The following BRD2 variants were observed in gnomAD, a reference collection of about 807,000 sequenced individuals.
BRD2 encodes the protein bromodomain-containing protein 2.
BRD2 carries 15 observed loss-of-function variants against 79.1 expected under a neutral mutation model. The ratio of observed to expected loss-of-function variants is 0.19; its 90% CI spans 0.13 to 0.29. BRD2 has a LOEUF of 0.29. Among genes scored for constraint, BRD2 ranks in the 10% least tolerant of loss-of-function variants. BRD2 has a pLI of 1.00. For missense variants in BRD2, 1,053 were observed against 991.3 expected, an observed-to-expected ratio of 1.06 and a Z score of -0.84; for synonymous variants, 488 against 358.6, an observed-to-expected ratio of 1.36 and a Z score of -4.08.
Position 32,975,569 on chromosome 6 carries a change from T to C in BRD2, c.471+48T>C, listed in dbSNP as rs768472794. On this transcript the variant is annotated intron_variant, in intron 4 of 12. Transcript: ENST00000374825. Reference sequence around the variant, plus strand: ...TTAGTAGGTGGGGAGAAACAGTAACTTCTATTATTGCTGGATATGTTGTCT... The same window carrying C: ...TTAGTAGGTGGGGAGAAACAGTAACCTCTATTATTGCTGGATATGTTGTCT... 6 of 1,590,556 alleles carry C rather than the reference T, an allele frequency of 3.8e-6. No individual in the cohort carries two copies. The South Asian group carries it at 5.6e-5, about 15-fold the overall frequency.
rs917636605 is a variant in BRD2 at position 32,969,233 on chromosome 6, G to T, written c.-1305+177G>T. ...GGGGGGCGAGCGGGAGAGGGCCATG[G>T]GGGGGGAGGGGAATGGCCAGCCTCA... On this transcript the variant is annotated intron_variant, in intron 1 of 12. Coordinates refer to ENST00000374825, the MANE Select transcript of BRD2 (RefSeq NM_005104.4). 12 of 615,772 alleles carry T rather than the reference G, an allele frequency of 1.9e-5. 1 individual carries two copies. Among genetic ancestry groups the T allele is most frequent in the Admixed American group, 1.9e-4 (8 of 41,534 alleles). 38.1% of individuals were successfully genotyped at this position (615,772 alleles called of 1,614,324 possible). A position where few individuals can be genotyped will look rare whatever the true frequency, so the allele number is the denominator to read the frequency against.
rs779236248 is a variant in BRD2, at chr6:32,976,401, G to T, written c.762G>T (p.Leu254Phe). ...SVISSPLLKS[L>F]HSAGPPLLAV... ...TTTCCTCTCCACTTCTCAAGTCCTT[G>T]CACTCTGCTGGACCCCCGCTCCTTG... Residue 254 changes from leucine (L) to phenylalanine (F), a missense_variant, in exon 6 of 13, where the codon TTG (leucine) becomes TTT (phenylalanine). By Grantham distance (22) the Leu-to-Phe change is conservative. This residue lies in a region of BRD2 where 413 missense variants were observed against 335.1 expected (regional missense o/e 1.23). Transcript: ENST00000374825. 6.8e-6 allele frequency: 11 copies of T among 1,612,632 alleles called. No individual in the cohort carries two copies. In the South Asian group the frequency reaches 1.2e-4, roughly 18 times the overall value.
intron 1 of BRD2, chr6:32,970,224 G>A (rs371561902): frequency 4.6e-5 from 7 of 152,492 alleles, no homozygotes; most frequent in African/African-American, 1.7e-4. Flanking sequence ...AGGGGAAAAG[G>A]CCTCTGCAAA....
At chr6:32,974,362 A>G in intron 2 of BRD2, 100 bp from the exon 3 acceptor site, 1 of 1,257,458 alleles carries the variant, frequency 8.0e-7, no homozygotes, top group South Asian at 1.4e-5. Context: ...AAGCTTAACC[A>G]CCTCACTAGG....
At chr6:32,977,225 C>T (rs1345497991) in intron 7 of BRD2, 9 of 1,527,008 alleles carry the variant, frequency 5.9e-6, no homozygotes, top group Non-Finnish European at 7.9e-6. Flanking sequence ...GCATAGGCCA[C>T]CTCTCTGTCA....
chr6:32,977,527 A>G lies in BRD2; in HGVS notation c.1286A>G (p.Asn429Ser). The G allele has an allele frequency of 3.7e-6, 6 of 1,614,094 alleles. No homozygotes were observed. Among genetic ancestry groups the G allele is most frequent in the East Asian group, 2.2e-5 (1 of 44,892 alleles). Reference protein sequence around the residue: ...RLMFSNCYKYNPPDHDVVAMA... With the variant: ...RLMFSNCYKYSPPDHDVVAMA... ...ATGTTCTCCAACTGCTATAAGTACA[A>G]TCCCCCAGATCACGATGTTGTGGCA... is the stretch of plus-strand genomic sequence containing the variant. Residue 429 changes from asparagine to serine, a missense_variant, in exon 8 of 13, where the codon AAT (asparagine) becomes AGT (serine). By Grantham distance (46) the Asn-to-Ser change is conservative (BLOSUM62 1). This residue lies in a region of BRD2 where 454 missense variants were observed against 430.5 expected (regional missense o/e 1.05). Transcript: ENST00000374825.
At position 32,972,830 on chromosome 6, in the gene BRD2, G is replaced by A. The variant is rs1013918914; in HGVS notation, c.-69G>A. ...AACTTAGCGGGTTATGCTGGACCGGGCGGTGAGGGGAACCGAGGCCACCCG... is the reference window on the plus strand; with the variant it reads ...AACTTAGCGGGTTATGCTGGACCGGACGGTGAGGGGAACCGAGGCCACCCG... On this transcript the variant is annotated 5_prime_UTR_variant, in exon 2 of 13. Transcript: ENST00000374825. The A allele has an allele frequency of 5.6e-6, 9 of 1,610,952 alleles. No individual in the cohort carries two copies. The Admixed American group carries it at 8.3e-5, about 15-fold the overall frequency.
chr6:32,974,315 G>A, intron 2 of BRD2, 147 bp from the exon 3 acceptor site: 2 of 785,642 alleles, frequency 2.5e-6, no homozygotes, highest in East Asian at 2.5e-5. Context: ...TCCACAGATT[G>A]TTTGGATATT....
chr6:32,973,048 G>A lies in BRD2; in HGVS notation c.29+121G>A, dbSNP rs1328176917. The A allele has an allele frequency of 3.1e-6, 5 of 1,606,348 alleles. No homozygotes were observed. In the African/African-American group the frequency reaches 5.4e-5, roughly 17 times the overall value. On this transcript the variant is annotated intron_variant, in intron 2 of 12. Transcript: ENST00000374825. ...GCGCTGCTGTTGCGGCGCAGCTGTC[G>A]ACTCGGTCGCGCGGAGGGAATTGAG...
chr6:32,975,141 A>G (rs904258665), intron 3 of BRD2: 12 of 1,497,226 alleles, frequency 8.0e-6, no homozygotes, highest in South Asian at 1.2e-5. Flanking sequence ...AAGTTTCCAG[A>G]GTGGGTGGGA....
rs1582922908 is a variant in BRD2, at chr6:32,978,660, T to C, written c.1841+272T>C. The C allele has an allele frequency of 7.0e-6, 4 of 573,454 alleles. No individual in the cohort carries two copies. In the South Asian group the frequency reaches 9.0e-5, roughly 13 times the overall value. The allele number at this position is 573,454 out of a possible 1,614,324, so 35.5% of individuals were successfully genotyped here. ...CCATAAGGAGCATGCAGCCTGGATA[T>C]GTACCATGCGCACTTCACAGTAGGG... On this transcript the variant is annotated intron_variant, in intron 10 of 12. Coordinates refer to ENST00000374825, the MANE Select transcript of BRD2 (RefSeq NM_005104.4).
chr6:32,975,984 C>T (rs1778689551), intron 4 of BRD2, 47 bp from the exon 5 acceptor site: 1 of 1,562,752 alleles, frequency 6.4e-7, no homozygotes, highest in Admixed American at 1.9e-5. Flanking sequence ...TATCTATCTT[C>T]TGTTGGCATT....
At position 32,978,826 on chromosome 6, in the gene BRD2, A is replaced by T. The variant is rs545735048; in HGVS notation, c.1841+438A>T. ...GGGGGTTGGGACCCCTGGCTTTGGG[A>T]GTCAGGGTGTTTCACAGCTACTCTG... On this transcript the variant is annotated intron_variant, in intron 10 of 12. Coordinates refer to ENST00000374825, the MANE Select transcript of BRD2 (RefSeq NM_005104.4). 3.3e-4 allele frequency: 57 copies of T among 174,348 alleles called. 2 individuals are homozygous for T. The East Asian group carries it at 8.8e-3, about 27-fold the overall frequency. The allele number at this position is 174,348 out of a possible 1,614,324, so 10.8% of individuals were successfully genotyped here. A position where few individuals can be genotyped will look rare whatever the true frequency, so the allele number is the denominator to read the frequency against.
intron 1 of BRD2, 145 bp from the exon 2 acceptor site, chr6:32,971,448 GGA>G: frequency 2.5e-6 from 1 of 399,770 alleles, no homozygotes; most frequent in Non-Finnish European, 4.4e-6. Context: ...GGGAGGGAGT[GGA>G]GTATTATAAG....
intron 1 of BRD2, chr6:32,971,235 T>G: frequency 5.0e-6 from 1 of 199,214 alleles, no homozygotes. Flanking sequence ...GATGGATGCG[T>G]TTGGAGATTT....
intron 7 of BRD2, 98 bp from the exon 8 acceptor site, chr6:32,977,344 G>A (rs1430683498): frequency 1.9e-6 from 3 of 1,608,810 alleles, no homozygotes; most frequent in Middle Eastern, 1.6e-4. Flanking sequence ...CATCCCCACT[G>A]TGCTCTCAAG....
Position 32,978,129 on chromosome 6 carries a change from C to T in BRD2, c.1582C>T (p.Arg528Trp), listed in dbSNP as rs1444435161. 5.6e-6 allele frequency: 9 copies of T among 1,603,890 alleles called. No individual in the cohort carries two copies. The highest frequency in any genetic ancestry group is 2.2e-5 in the East Asian group (1 of 44,820). The change falls in exon 10 of 13, where the codon CGG becomes TGG. Residue 528 changes from arginine to tryptophan, a missense_variant. Arg to Trp is a moderately radical substitution (Grantham distance 101, BLOSUM62 -3). Coordinates refer to ENST00000374825, the MANE Select transcript of BRD2 (RefSeq NM_005104.4). ...HRLAELQEQL[R>W]AVHEQLAALS... The stretch of plus-strand genomic sequence containing the variant: ...CTTCATGTTTTTTTTCCTTTAGCTT[C>T]GGGCAGTACATGAACAACTGGCTGC...
rs746533590 is a variant in BRD2 at position 32,975,370 on chromosome 6, ATTTT to A, written c.334-10_334-7del. 5.0e-6 allele frequency: 8 copies of A among 1,596,066 alleles called. No individual in the cohort carries two copies. ...TATTTTTCTGTGGTTCTGACCTAAC[ATTTT>A]TTTATTTAGGATTATCACAAAATTA... is the stretch of plus-strand genomic sequence containing the variant. On this transcript the variant is annotated splice_polypyrimidine_tract_variant and intron_variant, in intron 3 of 12. Transcript: ENST00000374825.
chr6:32,980,095 C>T lies in BRD2; in HGVS notation c.2109C>T (p.Val703=), dbSNP rs1490659921. 6 of 1,612,544 alleles carry T rather than the reference C, an allele frequency of 3.7e-6. No individual in the cohort carries two copies. The highest frequency in any genetic ancestry group is 5.1e-6 in the Non-Finnish European group (6 of 1,179,982). ...CACTTAGAGAGCTTGAGCGCTATGT[C>T]CTTTCCTGCCTACGTAAGAAACCCC... ...PSTLRELERY[V]LSCLRKKPRK... The change falls in exon 11 of 13, where the codon GTC becomes GTT. Residue 703 remains valine, a synonymous_variant. Coordinates refer to ENST00000374825, the MANE Select transcript of BRD2 (RefSeq NM_005104.4).
Sources: gnomAD v4.1 joint callset for allele counts on GRCh38, gnomAD v4.1.1 for gene constraint, gnomAD v4.1.1 regional missense constraint, MANE v1.5 for transcripts, NCBI Gene and HGNC (gene_info 2026-07-23, HGNC 2026-07-21) for gene names.